Variants in ZNF148 observed in about 807,000 individuals in gnomAD.
ZNF148 encodes Beta-Enolase Repressor Factor-1.
A neutral mutation model predicts 67.7 loss-of-function variants in ZNF148; 7 were observed. The observed-to-expected ratio is 0.10, with a 90% CI of 0.06 to 0.19. The LOEUF (loss-of-function observed/expected upper bound fraction) is 0.19, where lower values mean the gene tolerates loss of function less well. ZNF148 is among the 10% of genes least tolerant of loss of function. The probability of loss-of-function intolerance (pLI) is 1.00; values close to 1 mark genes in which losing one functional copy is unlikely to be tolerated. For missense variants in ZNF148, 583 were observed against 947.1 expected, an observed-to-expected ratio of 0.62 and a Z score of 5.05; for synonymous variants, 333 against 330.7, an observed-to-expected ratio of 1.01 and a Z score of -0.08.
At chr3:125,308,431 T>A (rs1273237885) in intron 4 of ZNF148, among the ~76,000 whole-genome samples, 1 of 151,650 alleles carries the variant, frequency 6.6e-6, no homozygotes, top group East Asian at 1.9e-4. Context: ...ACTACATTCA[T>A]GGACTGGGAG....
At chr3:125,275,427 G>A (rs1363029834) in intron 7 of ZNF148, among the ~76,000 whole-genome samples, 1 of 152,144 alleles carries the variant, frequency 6.6e-6, no homozygotes, top group Non-Finnish European at 1.5e-5. Context: ...ATAACTTTCT[G>A]CTTCTAGTCC....
chr3:125,260,161 TCAC>T (rs1175902142), intron 7 of ZNF148, among the ~76,000 whole-genome samples: 1 of 151,986 alleles, frequency 6.6e-6, no homozygotes, highest in Non-Finnish European at 1.5e-5. Flanking sequence ...CGATCACAAA[TCAC>T]CACAACAGGT....
At chr3:125,253,434 C>CT (rs1015822553) in intron 7 of ZNF148, among the ~76,000 whole-genome samples, 6 of 151,140 alleles carry the variant, frequency 4.0e-5, no homozygotes, top group African/African-American at 1.2e-4. Context: ...TCTTTCTTTA[C>CT]TTTTTTTTTG....
At chr3:125,277,590 G>T in intron 7 of ZNF148, 136 bp downstream of exon 7, 1 of 658,366 alleles carries the variant, frequency 1.5e-6, no homozygotes, top group Non-Finnish European at 2.5e-6. Context: ...ATTTATTGAA[G>T]GGAGAAAAAA....
chr3:125,346,373 A>AACT (rs1941942688), intron 1 of ZNF148, among the ~76,000 whole-genome samples: 1 of 151,704 alleles, frequency 6.6e-6, no homozygotes, highest in South Asian at 2.1e-4. Flanking sequence ...TTCAAAAGTA[A>AACT]AATAAGTGCT....
chr3:125,267,479 A>C (rs1024297480), intron 7 of ZNF148, among the ~76,000 whole-genome samples: 3 of 152,332 alleles, frequency 2.0e-5, no homozygotes, highest in Admixed American at 2.0e-4. Context: ...TCACATAATC[A>C]TATGATCATC....
At chr3:125,341,994 C>CA (rs1553713268) in intron 1 of ZNF148, among the ~76,000 whole-genome samples, 4 of 137,208 alleles carry the variant, frequency 2.9e-5, no homozygotes, top group African/African-American at 5.5e-5. Flanking sequence ...CACTCTGTTT[C>CA]GGGGCGGGGG....
chr3:125,235,859 C>A (rs1365936302), intron 7 of ZNF148, among the ~76,000 whole-genome samples: 2 of 146,456 alleles, frequency 1.4e-5, no homozygotes, highest in Non-Finnish European at 3.0e-5. Context: ...GACAAAAAAC[C>A]AAACACTGCA....
chr3:125,263,160 C>T (rs1179893262), intron 7 of ZNF148, among the ~76,000 whole-genome samples: 2 of 152,206 alleles, frequency 1.3e-5, no homozygotes, highest in Admixed American at 1.3e-4. Context: ...TGAAACTATT[C>T]TTGCCTATAG....
chr3:125,286,516 T>C (rs757140937), intron 5 of ZNF148, among the ~76,000 whole-genome samples: 1 of 152,190 alleles, frequency 6.6e-6, no homozygotes, highest in Admixed American at 6.5e-5. Flanking sequence ...TTCCAAAAGT[T>C]CACACCCTTT....
intron 4 of ZNF148, among the ~76,000 whole-genome samples, chr3:125,305,673 C>T (rs375156491): frequency 1.2e-4 from 18 of 151,536 alleles, no homozygotes; most frequent in African/African-American, 4.4e-4. Context: ...ATAAGCCTGG[C>T]ATGGTGGTGT....
At chr3:125,340,463 G>C (rs756059061) in intron 1 of ZNF148, among the ~76,000 whole-genome samples, 3 of 152,142 alleles carry the variant, frequency 2.0e-5, no homozygotes, top group Non-Finnish European at 4.4e-5. Context: ...AAGTTACCAG[G>C]ACAGGCGAGA....
chr3:125,328,998 G>GATATATAT (rs10565589), intron 2 of ZNF148, among the ~76,000 whole-genome samples: 13 of 147,470 alleles, frequency 8.8e-5, no homozygotes, highest in East Asian at 6.0e-4. Flanking sequence ...TTATACTACT[G>GATATATAT]ATATATATAT....
chr3:125,343,509 A>G (rs12695451), intron 1 of ZNF148, among the ~76,000 whole-genome samples: 2 of 10,870 alleles, frequency 1.8e-4, no homozygotes, highest in African/African-American at 6.7e-4. Context: ...AGCTAGCAAG[A>G]GGATTGTAAA....
chr3:125,302,773 T>C (rs1460920879), intron 4 of ZNF148, among the ~76,000 whole-genome samples: 1 of 152,254 alleles, frequency 6.6e-6, no homozygotes, highest in African/African-American at 2.4e-5. Context: ...CAATATGATC[T>C]TATGTATGGC....
intron 5 of ZNF148, among the ~76,000 whole-genome samples, chr3:125,283,227 G>A (rs1435581678): frequency 6.6e-6 from 1 of 152,098 alleles, no homozygotes; most frequent in Non-Finnish European, 1.5e-5. Context: ...CCTGGTCATC[G>A]TTAATAACCT....
chr3:125,273,191 C>T (rs936403845), intron 7 of ZNF148, among the ~76,000 whole-genome samples: 2 of 152,124 alleles, frequency 1.3e-5, no homozygotes, highest in Non-Finnish European at 2.9e-5. Context: ...CTAACCCCAC[C>T]CCATTAGCCC....
chr3:125,287,736 G>A (rs1354516160), intron 5 of ZNF148, among the ~76,000 whole-genome samples: 2 of 152,130 alleles, frequency 1.3e-5, no homozygotes, highest in Non-Finnish European at 2.9e-5. Flanking sequence ...CTGCCCTCAT[G>A]AAGTTTACAT....
chr3:125,369,821 C>G (rs1272885127), intron 1 of ZNF148, among the ~76,000 whole-genome samples: 1 of 152,002 alleles, frequency 6.6e-6, no homozygotes, highest in East Asian at 1.9e-4. Context: ...ACTAAAAATA[C>G]AAAAATTAGC....
Sources: allele counts gnomAD v4.1 joint callset (sites outside exome capture counted in the v4.1 genomes callset), GRCh38; gene constraint gnomAD v4.1.1; transcripts MANE v1.5; gene names NCBI Gene and HGNC (gene_info 2026-07-23, HGNC 2026-07-21).